Variants in PI4KA observed in about 807,000 individuals in gnomAD.
The protein encoded by PI4KA is phosphatidylinositol 4-kinase alpha.
In PI4KA, 122 loss-of-function variants were observed where a neutral mutation model predicts 271.4. That is an observed-to-expected ratio of 0.45 (90% CI 0.39 to 0.52). PI4KA has a LOEUF of 0.52. Ranked by LOEUF, PI4KA falls within the 20% of genes least tolerant of loss-of-function variation. PI4KA has a pLI of 0.00. For synonymous variants in PI4KA, 1,041 were observed against 1,078.8 expected, an observed-to-expected ratio of 0.96 and a Z score of 0.69; for missense variants, 1,969 against 2,769.1, an observed-to-expected ratio of 0.71 and a Z score of 6.48.
chr22:20,796,059 T>G, intron 18 of PI4KA, 87 bp downstream of exon 18: 1 of 1,291,514 alleles, frequency 7.7e-7, no homozygotes, highest in Non-Finnish European at 1.1e-6. Context: ...AAGTGCCATA[T>G]TCCAACCAAG....
chr22:20,755,965 T>C, intron 23 of PI4KA, among the ~76,000 whole-genome samples: 1 of 152,196 alleles, frequency 6.6e-6, no homozygotes, highest in African/African-American at 2.4e-5. Flanking sequence ...GTCTGCCCTC[T>C]GCCTCCAGGC....
chr22:20,712,758 T>C lies in PI4KA; in HGVS notation c.5611A>G (p.Ile1871Val), dbSNP rs2147172329. The change falls in exon 49 of 55, where the codon ATC (isoleucine) becomes GTC (valine). Residue 1871 changes from isoleucine (I) to valine (V), a missense_variant. Ile to Val is a conservative substitution (Grantham distance 29). Coordinates refer to ENST00000255882, the MANE Select transcript of PI4KA (RefSeq NM_058004.4). ...AGGTCCAGGCCGACCAGCTGGAAGATGTTCTTGAAGAGGTCGATGATCTGC... is the reference window on the plus strand; with the variant it reads ...AGGTCCAGGCCGACCAGCTGGAAGACGTTCTTGAAGAGGTCGATGATCTGC... ...ALQIIDLFKN[I>V]FQLVGLDLFV... 2 of 1,550,814 alleles carry C rather than the reference T, an allele frequency of 1.3e-6. No individual in the cohort carries two copies. Among genetic ancestry groups the C allele is most frequent in the Non-Finnish European group, 1.7e-6 (2 of 1,147,576 alleles).
intron 1 of PI4KA, among the ~76,000 whole-genome samples, chr22:20,857,382 C>A (rs572237148): frequency 1.6e-4 from 25 of 152,208 alleles, no homozygotes; most frequent in African/African-American, 5.8e-4. Context: ...TGAGAACCGA[C>A]AAGGCCAAGG....
Position 20,838,597 on chromosome 22 carries a change from A to G in PI4KA, c.273+18T>C, listed in dbSNP as rs762339028. On this transcript the variant is annotated intron_variant, in intron 2 of 54. Transcript: ENST00000255882. ...CCCCTTTTACAATGAAGAAACTTTT[A>G]ATTTCATGAAGACTTACCTGAAGAT... 6.2e-6 allele frequency: 9 copies of G among 1,442,842 alleles called. No homozygotes were observed. Among genetic ancestry groups the G allele is most frequent in the East Asian group, 4.5e-5 (2 of 44,074 alleles). The allele number at this position is 1,442,842 out of a possible 1,614,324, so 89.4% of individuals were successfully genotyped here. A position where few individuals can be genotyped will look rare whatever the true frequency, so the allele number is the denominator to read the frequency against.
chr22:20,839,931 T>C (rs905246522), intron 1 of PI4KA, among the ~76,000 whole-genome samples: 6 of 152,198 alleles, frequency 3.9e-5, no homozygotes, highest in African/African-American at 1.4e-4. Flanking sequence ...ACTATAATAG[T>C]GGCTAGTGGA....
intron 2 of PI4KA, 146 bp downstream of exon 2, chr22:20,838,469 T>C: frequency 1.9e-6 from 1 of 522,974 alleles, no homozygotes; most frequent in Non-Finnish European, 3.4e-6. Flanking sequence ...ATTCCCACCT[T>C]GTCCTACCCT....
At chr22:20,717,658 C>T in intron 45 of PI4KA, 50 bp downstream of exon 45, 1 of 1,435,938 alleles carries the variant, frequency 7.0e-7, no homozygotes, top group Non-Finnish European at 9.6e-7. Flanking sequence ...CGCCCCGCCG[C>T]CCGCCTGCAG....
intron 7 of PI4KA, among the ~76,000 whole-genome samples, chr22:20,816,190 C>T (rs1287870497): frequency 6.6e-6 from 1 of 152,010 alleles, no homozygotes; most frequent in East Asian, 1.9e-4. Flanking sequence ...TCCACCTGTC[C>T]CAAAGTGCTG....
At chr22:20,781,541 T>C (rs1933800182) in intron 19 of PI4KA, among the ~76,000 whole-genome samples, 1 of 152,228 alleles carries the variant, frequency 6.6e-6, no homozygotes, top group African/African-American at 2.4e-5. Flanking sequence ...TCCACACACC[T>C]GCTCTGTGCC....
intron 19 of PI4KA, among the ~76,000 whole-genome samples, chr22:20,773,340 C>T (rs1188357987): frequency 1.3e-5 from 2 of 152,096 alleles, no homozygotes; most frequent in African/African-American, 2.4e-5. Flanking sequence ...GAGCTGAGAT[C>T]GCACCACTGC....
intron 42 of PI4KA, among the ~76,000 whole-genome samples, chr22:20,722,687 G>A (rs1351979820): frequency 6.6e-6 from 1 of 151,842 alleles, no homozygotes; most frequent in Non-Finnish European, 1.5e-5. Context: ...CATGCCCTAG[G>A]TTTAAAAAGG....
intron 19 of PI4KA, chr22:20,786,729 A>G: frequency 1.2e-6 from 1 of 851,290 alleles, no homozygotes; most frequent in Non-Finnish European, 1.9e-6. Flanking sequence ...GGTGACAGAT[A>G]TTTTCAAGAG....
chr22:20,799,510 A>C (rs1935172856), intron 15 of PI4KA, among the ~76,000 whole-genome samples, 161 bp downstream of exon 15: 2 of 152,194 alleles, frequency 1.3e-5, no homozygotes, highest in Admixed American at 1.3e-4. Context: ...AGTACAATCC[A>C]AGGTGGGCTT....
intron 1 of PI4KA, among the ~76,000 whole-genome samples, chr22:20,849,407 C>A (rs920057204): frequency 6.6e-6 from 1 of 152,048 alleles, no homozygotes; most frequent in Non-Finnish European, 1.5e-5. Context: ...TCCATAGCAG[C>A]GTTATTTATA....
At chr22:20,840,589 T>C (rs1399883931) in intron 1 of PI4KA, among the ~76,000 whole-genome samples, 2 of 152,166 alleles carry the variant, frequency 1.3e-5, no homozygotes, top group Non-Finnish European at 2.9e-5. Flanking sequence ...GAGGCGAAGA[T>C]GTTAGCATGG....
At chr22:20,763,017 T>TGGGG (rs1227387739) in intron 22 of PI4KA, among the ~76,000 whole-genome samples, 55 of 52,164 alleles carry the variant, frequency 1.1e-3, no homozygotes, top group African/African-American at 1.8e-3. Context: ...CTTTTTTTTT[T>TGGGG]GGGGGGGGGG....
chr22:20,807,301 C>T (rs977318615), intron 10 of PI4KA, 61 bp downstream of exon 10: 16 of 1,035,828 alleles, frequency 1.5e-5, no homozygotes, highest in African/African-American at 6.3e-5. Flanking sequence ...CACTAGCATG[C>T]GACAGTGGCC....
intron 32 of PI4KA, among the ~76,000 whole-genome samples, chr22:20,740,273 A>T (rs1389669591): frequency 6.6e-6 from 1 of 151,804 alleles, no homozygotes; most frequent in Non-Finnish European, 1.5e-5. Flanking sequence ...GTTAAAAAAA[A>T]AATTAACCAA....
chr22:20,724,592 C>T (rs905214404), intron 42 of PI4KA, among the ~76,000 whole-genome samples: 2 of 152,106 alleles, frequency 1.3e-5, no homozygotes, highest in South Asian at 2.1e-4. Flanking sequence ...GGCAACAGAG[C>T]GAGACTCTGT....
Sources: gnomAD v4.1 joint callset for allele counts (sites outside exome capture counted in the v4.1 genomes callset) on GRCh38, gnomAD v4.1.1 for gene constraint, MANE v1.5 for transcripts, NCBI Gene and HGNC (gene_info 2026-07-23, HGNC 2026-07-21) for gene names.